The following NOL7 variants were observed in gnomAD, a reference collection of about 807,000 sequenced individuals.
NOL7 encodes U3 small nucleolar RNA-associated protein NOL7.
Under a neutral mutation model 38.4 loss-of-function variants are expected in NOL7, and 36 were observed. The observed-to-expected ratio is 0.94, with a 90% CI of 0.72 to 1.24. NOL7 has a LOEUF of 1.24. Among genes scored for constraint, NOL7 ranks in the 50% most tolerant of loss-of-function variants. NOL7 has a pLI of 0.00. For missense variants in NOL7, 350 were observed against 315.1 expected, an observed-to-expected ratio of 1.11 and a Z score of -0.84; for synonymous variants, 142 against 126.5, an observed-to-expected ratio of 1.12 and a Z score of -0.82.
At position 13,632,346 on chromosome 6, in the gene NOL7, T is replaced by C. The variant is rs200514160; in HGVS notation, n.574-47T>C. On this transcript the variant is annotated intron_variant and non_coding_transcript_variant, in intron 8 of 8. Transcript: ENST00000474485. ...TTTAGTTCCTCTGACATATTCATAA[T>C]TTTTCAAGAAAAAATATATTCACCT... 9 of 1,603,998 alleles carry C rather than the reference T, an allele frequency of 5.6e-6. No homozygotes were observed. The African/African-American group carries it at 8.0e-5, about 14-fold the overall frequency.
At chr6:13,615,847 G>T in intron 2 of NOL7, 75 bp downstream of exon 2, 2 of 1,449,344 alleles carry the variant, frequency 1.4e-6, no homozygotes, top group Non-Finnish European at 1.9e-6. Context: ...ATGTAATTTG[G>T]GTTGGCAGGA....
chr6:13,617,004 A>G (rs1187305369), intron 3 of NOL7, among the ~76,000 whole-genome samples: 5 of 151,920 alleles, frequency 3.3e-5, no homozygotes, highest in Non-Finnish European at 5.9e-5. Flanking sequence ...ATCAAACCCT[A>G]CTAAATTTAG....
At chr6:13,617,994 C>G in intron 4 of NOL7, 64 bp from the exon 5 acceptor site, 1 of 1,040,484 alleles carries the variant, frequency 9.6e-7, no homozygotes, top group African/African-American at 1.6e-5. Flanking sequence ...AAAGTGAACT[C>G]CAGTAAATTT....
chr6:13,624,479 G>C (rs1253094596), downstream of NOL7, among the ~76,000 whole-genome samples: 1 of 151,978 alleles, frequency 6.6e-6, no homozygotes, highest in African/African-American at 2.4e-5. Flanking sequence ...CAATTACCTG[G>C]GAATTAGACT....
chr6:13,627,788 A>T (rs1764658562), intron 8 of NOL7, among the ~76,000 whole-genome samples: 1 of 152,172 alleles, frequency 6.6e-6, no homozygotes, highest in Non-Finnish European at 1.5e-5. Flanking sequence ...AATACTTGGT[A>T]AACAAAAACT....
At chr6:13,628,789 A>C (rs978434399) in intron 8 of NOL7, among the ~76,000 whole-genome samples, 1 of 152,256 alleles carries the variant, frequency 6.6e-6, no homozygotes, top group African/African-American at 2.4e-5. Context: ...GCAAATAAGC[A>C]ATTTTAAGAT....
chr6:13,620,741 CTT>C lies in NOL7; in HGVS notation c.701-11_701-10del. 1 of 1,554,836 alleles carries C rather than the reference CTT, an allele frequency of 6.4e-7. No individual in the cohort carries two copies. The highest frequency in any genetic ancestry group is 2.2e-5 in the East Asian group (1 of 44,450). ...TTTCTAATATACTTACTGCAGAAAA[CTT>C]TATATTCTAGGAATCCAAAAAAAAC... On this transcript the variant is annotated splice_polypyrimidine_tract_variant and intron_variant, in intron 7 of 7. Coordinates refer to ENST00000451315, the MANE Select transcript of NOL7 (RefSeq NM_016167.5).
chr6:13,631,765 C>T (rs1373793245), intron 8 of NOL7, among the ~76,000 whole-genome samples: 1 of 152,216 alleles, frequency 6.6e-6, no homozygotes, highest in African/African-American at 2.4e-5. Flanking sequence ...AGCCCCTCCA[C>T]CTTCAACTGG....
chr6:13,620,855 T>A lies in NOL7; in HGVS notation c.*28T>A. On this transcript the variant is annotated 3_prime_UTR_variant, in exon 8 of 8. Transcript: ENST00000451315. ...CAATGCTAAATGAAGAATCTGTACT[T>A]TGTATGTATAGAATTTATCTAATAA... 7.6e-7 allele frequency: 1 copy of A among 1,317,980 alleles called. No homozygotes were observed. Among genetic ancestry groups the A allele is most frequent in the Non-Finnish European group, 1.1e-6 (1 of 933,642 alleles). The allele number at this position is 1,317,980 out of a possible 1,614,324, so 81.6% of individuals were successfully genotyped here.
At chr6:13,629,911 CTCTCTCTCTCGT>C (rs887531236) in intron 8 of NOL7, among the ~76,000 whole-genome samples, 15 of 124,954 alleles carry the variant, frequency 1.2e-4, no homozygotes, top group African/African-American at 4.5e-4. Context: ...CTCTCTCTCT[CTCTCTCTCTCGT>C]GTGTGTGTGT....
At chr6:13,624,513 C>CT (rs1188993491), downstream of NOL7, among the ~76,000 whole-genome samples, 9 of 152,288 alleles carry the variant, frequency 5.9e-5, no homozygotes, top group Admixed American at 2.0e-4. Flanking sequence ...AAAACTCACT[C>CT]TTTATATAAA....
downstream of NOL7, chr6:13,622,389 A>C (rs750547754): frequency 6.3e-7 from 1 of 1,597,260 alleles, no homozygotes; most frequent in South Asian, 1.1e-5. Flanking sequence ...CCACTGTGGC[A>C]AATGCGCAGG....
chr6:13,618,485 G>A (rs1315084042), intron 5 of NOL7, among the ~76,000 whole-genome samples: 2 of 151,392 alleles, frequency 1.3e-5, no homozygotes, highest in Non-Finnish European at 2.9e-5. Context: ...CTGACCTCAT[G>A]ATCCACCCGC....
At chr6:13,618,210 GGAA>G in intron 5 of NOL7, 71 bp downstream of exon 5, 2 of 530,798 alleles carry the variant, frequency 3.8e-6, no homozygotes, top group Non-Finnish European at 6.5e-6. Context: ...GGCTAACATG[GGAA>G]AATATTTTAT....
chr6:13,620,248 G>A lies in NOL7; in HGVS notation c.541G>A (p.Asp181Asn), dbSNP rs1764404814. The A allele has an allele frequency of 1.9e-6, 3 of 1,614,130 alleles. No individual in the cohort carries two copies. Among genetic ancestry groups the A allele is most frequent in the East Asian group, 2.2e-5 (1 of 44,876 alleles). ...CTTGGCCGTAAGGCTAAAAGACCAA[G>A]ATCTGAGAGATTCAAGGCAACAAGC... Reference protein sequence around the residue: ...SYLAVRLKDQDLRDSRQQAAQ... With the variant: ...SYLAVRLKDQNLRDSRQQAAQ... Residue 181 changes from aspartate (D) to asparagine (N), a missense_variant, in exon 6 of 8, where the codon GAT (aspartate) becomes AAT (asparagine). Asp to Asn is a conservative substitution (Grantham distance 23). Transcript: ENST00000451315.
In NOL7 at chr6:13,620,856, T is replaced by G; in HGVS notation, c.*29T>G. On this transcript the variant is annotated 3_prime_UTR_variant, in exon 8 of 8. Coordinates refer to ENST00000451315, the MANE Select transcript of NOL7 (RefSeq NM_016167.5). The stretch of plus-strand genomic sequence containing the variant: ...AATGCTAAATGAAGAATCTGTACTT[T>G]GTATGTATAGAATTTATCTAATAAA... 1 of 1,295,366 alleles carries G rather than the reference T, an allele frequency of 7.7e-7. No individual in the cohort carries two copies. Among genetic ancestry groups the G allele is most frequent in the Non-Finnish European group, 1.1e-6 (1 of 914,088 alleles). 80.2% of individuals were successfully genotyped at this position (1,295,366 alleles called of 1,614,324 possible).
chr6:13,620,820 AG>A lies in NOL7; in HGVS notation c.768del (p.Lys257SerfsTer23), dbSNP rs1215989878. 1.3e-6 allele frequency: 2 copies of A among 1,590,688 alleles called. No homozygotes were observed. Among genetic ancestry groups the A allele is most frequent in the Non-Finnish European group, 1.7e-6 (2 of 1,166,108 alleles). ...TGGATGGTCAGAAAGATGAAAACTA[AG>A]AAGTAAATCAATGCTAAATGAAGAA... ...RRWMVRKMKT[K>X]K On this transcript the variant is annotated frameshift_variant, in exon 8 of 8. Coordinates refer to ENST00000451315, the MANE Select transcript of NOL7 (RefSeq NM_016167.5). LOFTEE classifies it high-confidence loss of function.
chr6:13,620,861 G>T lies in NOL7; in HGVS notation c.*34G>T. On this transcript the variant is annotated 3_prime_UTR_variant, in exon 8 of 8. Transcript: ENST00000451315. ...TAAATGAAGAATCTGTACTTTGTATGTATAGAATTTATCTAATAAATCATT... is the reference window on the plus strand; with the variant it reads ...TAAATGAAGAATCTGTACTTTGTATTTATAGAATTTATCTAATAAATCATT... 1 of 1,261,078 alleles carries T rather than the reference G, an allele frequency of 7.9e-7. No individual in the cohort carries two copies. Among genetic ancestry groups the T allele is most frequent in the Non-Finnish European group, 1.1e-6 (1 of 891,784 alleles). The allele number at this position is 1,261,078 out of a possible 1,614,324, so 78.1% of individuals were successfully genotyped here. A position where few individuals can be genotyped will look rare whatever the true frequency, so the allele number is the denominator to read the frequency against.
intron 8 of NOL7, among the ~76,000 whole-genome samples, chr6:13,628,416 A>C (rs887593770): frequency 7.9e-5 from 12 of 152,226 alleles, no homozygotes; most frequent in Non-Finnish European, 1.8e-4. Flanking sequence ...AGAAAAAAGC[A>C]TGGTTGGAAA....
Sources: allele counts gnomAD v4.1 joint callset (sites outside exome capture counted in the v4.1 genomes callset), GRCh38; gene constraint gnomAD v4.1.1; transcripts MANE v1.5; gene names NCBI Gene and HGNC (gene_info 2026-07-23, HGNC 2026-07-21).